Variants in INA observed in about 807,000 individuals in gnomAD.
INA encodes the protein internexin neuronal intermediate filament protein alpha.
INA carries 35 observed loss-of-function variants against 40.1 expected under a neutral mutation model. The ratio of observed to expected loss-of-function variants is 0.87; its 90% CI spans 0.67 to 1.16. The LOEUF (loss-of-function observed/expected upper bound fraction) is 1.16, where lower values mean the gene tolerates loss of function less well. INA is among the 50% of genes most tolerant of loss of function. The pLI, the probability that INA is intolerant of heterozygous loss-of-function variation, is 0.00. For synonymous variants in INA, 290 were observed against 316.9 expected (o/e 0.92, Z 0.90); for missense variants, 594 against 686.7 (o/e 0.87, Z 1.51).
chr10:103,277,828 C>T lies in INA; in HGVS notation c.617C>T (p.Ala206Val). 1 of 1,542,346 alleles carries T rather than the reference C, an allele frequency of 6.5e-7. No individual in the cohort carries two copies. Among genetic ancestry groups the T allele is most frequent in the Non-Finnish European group, 8.7e-7 (1 of 1,146,358 alleles). Reference sequence around the variant, plus strand: ...GCGCAGCAGCGCGACGTGGACGGCGCCACGCTGGCCCGCCTGGACCTGGAG... The same window carrying T: ...GCGCAGCAGCGCGACGTGGACGGCGTCACGCTGGCCCGCCTGGACCTGGAG... ...LKAQQRDVDGATLARLDLEKK... is the reference protein window; with the variant it reads ...LKAQQRDVDGVTLARLDLEKK... The change falls in exon 1 of 3, where the codon GCC becomes GTC. Residue 206 changes from alanine (A) to valine (V), a missense_variant. Coordinates refer to ENST00000369849, the MANE Select transcript of INA (RefSeq NM_032727.4). This position sits in a 1 kb window ranked among gnomAD's most constrained non-coding sequence, Gnocchi z 5.6.
intron 1 of INA, among the ~76,000 whole-genome samples, chr10:103,283,911 C>T (rs370779015): frequency 2.6e-4 from 39 of 152,032 alleles, no homozygotes; most frequent in African/African-American, 8.2e-4. Flanking sequence ...CCACCACGCC[C>T]AGCTAATTTT....
In INA at chr10:103,288,791, C is replaced by T. The variant is rs2093092841; in HGVS notation, c.*122C>T. On this transcript the variant is annotated 3_prime_UTR_variant, in exon 3 of 3. Transcript: ENST00000369849. ...TAAAATGTCTTCAAGGCTTCAGTCT[C>T]ATATTTAGTATTGAATACTTACATT... The T allele has an allele frequency of 1.5e-6, 1 of 661,498 alleles. No individual in the cohort carries two copies. Among genetic ancestry groups the T allele is most frequent in the Admixed American group, 3.2e-5 (1 of 31,444 alleles). The allele number at this position is 661,498 out of a possible 1,614,324, so 41.0% of individuals were successfully genotyped here.
chr10:103,278,379 A>AGAGAG lies in INA; in HGVS notation c.1065+109_1065+113dup. ...CCCCAGGACTTAAGGGGAGGGCAAA[A>AGAGAG]GAGAGGAGAGAAGAGCCGCGGCTGG... is the stretch of plus-strand genomic sequence containing the variant. On this transcript the variant is annotated intron_variant, in intron 1 of 2. Coordinates refer to ENST00000369849, the MANE Select transcript of INA (RefSeq NM_032727.4). This position sits in a 1 kb window ranked among gnomAD's most constrained non-coding sequence, Gnocchi z 4.9. The AGAGAG allele has an allele frequency of 1.0e-6, 1 of 967,766 alleles. No individual in the cohort carries two copies. The highest frequency in any genetic ancestry group is 3.4e-4 in the Middle Eastern group (1 of 2,980). 59.9% of individuals were successfully genotyped at this position (967,766 alleles called of 1,614,324 possible).
At chr10:103,279,834 A>G in intron 1 of INA, 1 of 715,216 alleles carries the variant, frequency 1.4e-6, no homozygotes, top group South Asian at 1.6e-5. Flanking sequence ...AAGTACTTCC[A>G]TTTCTGCCTC....
rs147399797 is a variant in INA at position 103,283,225 on chromosome 10, C to T, written c.1066-3810C>T. Reference sequence around the variant, plus strand: ...CTCTTATCTTCATATAGCATTCCTCCTCCTTCTTTGCATAATCATATTTTC... The same window carrying T: ...CTCTTATCTTCATATAGCATTCCTCTTCCTTCTTTGCATAATCATATTTTC... On this transcript the variant is annotated intron_variant, in intron 1 of 2. Transcript: ENST00000369849. Among the ~76,000 whole-genome samples, 172 of 152,262 alleles carry T rather than the reference C, an allele frequency of 1.1e-3. 1 individual carries two copies. Among genetic ancestry groups the T allele is most frequent in the African/African-American group, 3.8e-3 (157 of 41,544 alleles).
intron 1 of INA, chr10:103,280,626 G>T: frequency 1.0e-6 from 1 of 985,410 alleles, no homozygotes; most frequent in Non-Finnish European, 1.2e-6. Context: ...CTCTGCCCCA[G>T]ATAGCTGATA....
At chr10:103,281,930 C>T (rs1397556549) in intron 1 of INA, among the ~76,000 whole-genome samples, 2 of 152,218 alleles carry the variant, frequency 1.3e-5, no homozygotes, top group Non-Finnish European at 2.9e-5. Context: ...CTCCGGTTCC[C>T]TCAGGCTAAG....
chr10:103,288,433 A>G lies in INA; in HGVS notation c.1264A>G (p.Asn422Asp). ...LSISGLNPLP[N>D]PSYLLPPRIL... ...CATTTCGGGGCTGAATCCACTTCCCAATCCAAGTTACCTGCTCCCACCTAG... is the reference window on the plus strand; with the variant it reads ...CATTTCGGGGCTGAATCCACTTCCCGATCCAAGTTACCTGCTCCCACCTAG... The change falls in exon 3 of 3, where the codon AAT becomes GAT. Residue 422 changes from asparagine to aspartate, a missense_variant. Physicochemically the swap from Asn to Asp is conservative, Grantham distance 23. Around this residue, in one of 2 missense-constraint regions of INA, gnomAD observed 379 missense variants for 496.1 expected, o/e 0.76. Coordinates refer to ENST00000369849, the MANE Select transcript of INA (RefSeq NM_032727.4). 6.2e-7 allele frequency: 1 copy of G among 1,613,842 alleles called. No individual in the cohort carries two copies. The highest frequency in any genetic ancestry group is 8.5e-7 in the Non-Finnish European group (1 of 1,179,954).
rs75988414 is a variant in INA, at chr10:103,287,206, G to A, written c.1190+47G>A. On this transcript the variant is annotated intron_variant, in intron 2 of 2. Coordinates refer to ENST00000369849, the MANE Select transcript of INA (RefSeq NM_032727.4). ...CCCGAGTAAATCCAGTCACCTAGGG[G>A]CAATGCTGCCCAAATAAGTGGATCT... 5.8e-4 allele frequency: 915 copies of A among 1,585,482 alleles called. 8 individuals carry two copies. The East Asian group carries it at 0.017, about 29-fold the overall frequency.
chr10:103,278,202 G>C lies in INA; in HGVS notation c.991G>C (p.Gly331Arg). 6.2e-7 allele frequency: 1 copy of C among 1,604,740 alleles called. No homozygotes were observed. Among genetic ancestry groups the C allele is most frequent in the Non-Finnish European group, 8.5e-7 (1 of 1,176,360 alleles). ...CACCATCGAGATCGAGGGCCTGCGCGGGGCCAACGAGTCCTTGGAGAGGCA... is the reference window on the plus strand; with the variant it reads ...CACCATCGAGATCGAGGGCCTGCGCCGGGCCAACGAGTCCTTGGAGAGGCA... The part of the protein sequence containing the change: ...ARTIEIEGLR[G>R]ANESLERQIL... Residue 331 changes from glycine to arginine, a missense_variant, in exon 1 of 3, where the codon GGG (glycine) becomes CGG (arginine). By Grantham distance (125) the Gly-to-Arg change is moderately radical (BLOSUM62 -2). Coordinates refer to ENST00000369849, the MANE Select transcript of INA (RefSeq NM_032727.4). This position sits in a 1 kb window ranked among gnomAD's most constrained non-coding sequence, Gnocchi z 4.9.
chr10:103,278,882 A>G lies in INA; in HGVS notation c.1065+606A>G, dbSNP rs1296199463. On this transcript the variant is annotated intron_variant, in intron 1 of 2. Transcript: ENST00000369849. This position sits in a 1 kb window ranked among gnomAD's most constrained non-coding sequence, Gnocchi z 4.9. ...ACCCACCTCCCCAACACACACACAC[A>G]CACGATTCCCTTGTCCACCAGCACA... Among the ~76,000 whole-genome samples, 2 of 133,626 alleles carry G rather than the reference A, an allele frequency of 1.5e-5. No individual in the cohort carries two copies. Among genetic ancestry groups the G allele is most frequent in the East Asian group, 4.3e-4 (2 of 4,700 alleles). The allele number at this position is 133,626 out of a possible 152,430, so 87.7% of individuals were successfully genotyped here.
At chr10:103,280,950 G>A in intron 1 of INA, 1 of 985,046 alleles carries the variant, frequency 1.0e-6, no homozygotes, top group Non-Finnish European at 1.2e-6. Flanking sequence ...CTCTACTGTG[G>A]TCAGTCTTGG....
intron 1 of INA, among the ~76,000 whole-genome samples, chr10:103,284,051 G>A (rs1231229855): frequency 6.6e-6 from 1 of 151,332 alleles, no homozygotes; most frequent in African/African-American, 2.4e-5. Context: ...TTACAGGCAT[G>A]AGCCACCATG....
intron 1 of INA, among the ~76,000 whole-genome samples, chr10:103,281,826 C>T (rs2133533920): frequency 6.6e-6 from 1 of 152,344 alleles, no homozygotes; most frequent in South Asian, 2.1e-4. Context: ...ATCCTTCCAG[C>T]CACGGGCTGC....
chr10:103,282,808 T>C (rs1348132425), intron 1 of INA, among the ~76,000 whole-genome samples: 2 of 152,170 alleles, frequency 1.3e-5, no homozygotes, highest in African/African-American at 4.8e-5. Context: ...TGTTGTTATA[T>C]GTTACTTTTC....
chr10:103,287,219 A>G, intron 2 of INA, 60 bp downstream of exon 2: 3 of 1,558,726 alleles, frequency 1.9e-6, no homozygotes, highest in African/African-American at 1.4e-5. Context: ...ATGCTGCCCA[A>G]ATAAGTGGAT....
chr10:103,281,874 C>T (rs2093073387), intron 1 of INA, among the ~76,000 whole-genome samples: 1 of 152,226 alleles, frequency 6.6e-6, no homozygotes, highest in Non-Finnish European at 1.5e-5. Flanking sequence ...CAGCGTTTGT[C>T]TTAGCTCCTC....
chr10:103,277,880 G>A lies in INA; in HGVS notation c.669G>A (p.Glu223=), dbSNP rs1014208448. 14 of 1,549,806 alleles carry A rather than the reference G, an allele frequency of 9.0e-6. No individual in the cohort carries two copies. The highest frequency in any genetic ancestry group is 1.2e-5 in the Non-Finnish European group (14 of 1,146,862). Residue 223 remains glutamate (E), a synonymous_variant, in exon 1 of 3, where the codon GAG becomes GAA. Transcript: ENST00000369849. The surrounding 1 kb of genome is among the most constrained non-coding windows in gnomAD (Gnocchi z 5.6). ...AGAAGGTGGAGTCGCTGCTGGACGA[G>A]CTGGCCTTCGTACGCCAGGTGCACG... ...LEKKVESLLD[E]LAFVRQVHDE...
chr10:103,285,384 C>A (rs550970098), intron 1 of INA, among the ~76,000 whole-genome samples: 2 of 152,094 alleles, frequency 1.3e-5, no homozygotes, highest in Admixed American at 1.3e-4. Flanking sequence ...CAACCTCTGC[C>A]TTCCAGATTC....
Sources: allele counts gnomAD v4.1 joint callset (sites outside exome capture counted in the v4.1 genomes callset), GRCh38; gene constraint gnomAD v4.1.1; regional missense constraint gnomAD v4.1.1; non-coding constraint Gnocchi (gnomAD v3.1); transcripts MANE v1.5; gene names NCBI Gene and HGNC (gene_info 2026-07-23, HGNC 2026-07-21).